Variants in DNAH17 observed in about 807,000 individuals in gnomAD.
The protein encoded by DNAH17 is axonemal beta dynein heavy chain 17.
Under a neutral mutation model 485.6 loss-of-function variants are expected in DNAH17, and 376 were observed. That is an observed-to-expected ratio of 0.77 (90% CI 0.71 to 0.84). DNAH17 has a LOEUF of 0.84. Among genes scored for constraint, DNAH17 ranks in the 40% least tolerant of loss-of-function variants. DNAH17 has a pLI of 0.00. For synonymous variants in DNAH17, 3,031 were observed against 2,405.9 expected (o/e 1.26, Z -7.60); for missense variants, 6,370 against 5,839.3 (o/e 1.09, Z -2.96).
chr17:78,479,382 G>A, intron 50 of DNAH17, 103 bp downstream of exon 50: 2 of 1,336,650 alleles, frequency 1.5e-6, no homozygotes, highest in East Asian at 5.2e-5. Context: ...TATTGATTTA[G>A]AATTATAAAT....
At chr17:78,555,175 G>GA (rs555629195) in intron 14 of DNAH17, among the ~76,000 whole-genome samples, 87 of 152,318 alleles carry the variant, frequency 5.7e-4, no homozygotes, top group African/African-American at 2.0e-3. Context: ...AAACCAGACA[G>GA]AAGTAAAGGA....
At position 78,486,416 on chromosome 17, in the gene DNAH17, C is replaced by T; in HGVS notation, c.6909G>A (p.Leu2303=). 1 of 1,613,842 alleles carries T rather than the reference C, an allele frequency of 6.2e-7. No homozygotes were observed. The highest frequency in any genetic ancestry group is 1.1e-5 in the South Asian group (1 of 91,084). Residue 2303 remains leucine, a synonymous_variant, in exon 45 of 81, where the codon CTG becomes CTA. Transcript: ENST00000389840. ...TCTTGAACCCAAAGCGCAACTTGTC[C>T]AGGCACGTGGGCAGGTACTTGTCAA... ...ILFDKYLPTC[L]DKLRFGFKKI...
intron 30 of DNAH17, among the ~76,000 whole-genome samples, chr17:78,506,115 C>G (rs1386780065): frequency 6.6e-6 from 1 of 150,510 alleles, no homozygotes; most frequent in Non-Finnish European, 1.5e-5. Context: ...AAATAAAATG[C>G]AAGCGCTTTC....
chr17:78,552,914 G>C (rs993438672), intron 14 of DNAH17, 109 bp from the exon 15 acceptor site: 2 of 763,532 alleles, frequency 2.6e-6, no homozygotes, highest in Middle Eastern at 3.3e-4. Context: ...TTGGATCTGT[G>C]TCCCCACTCA....
In DNAH17 at chr17:78,574,874, T is replaced by C. The variant is rs746416207; in HGVS notation, c.184A>G (p.Ile62Val). The C allele has an allele frequency of 5.6e-6, 9 of 1,614,000 alleles. No homozygotes were observed. In the South Asian group the frequency reaches 9.9e-5, roughly 18 times the overall value. Residue 62 changes from isoleucine (I) to valine (V), a missense_variant, in exon 2 of 81, where the codon ATC becomes GTC. By Grantham distance (29) the Ile-to-Val change is conservative. Coordinates refer to ENST00000389840, the MANE Select transcript of DNAH17 (RefSeq NM_173628.4). The stretch of plus-strand genomic sequence containing the variant: ...TGGGGGAAGCCCAGGCAGGGTATGA[T>C]CATGCCGGCTGCATTGAGCGTCAGC... Reference protein sequence around the residue: ...LVLTLNAAGMIIPCLGFPQSL... With the variant: ...LVLTLNAAGMVIPCLGFPQSL...
intron 18 of DNAH17, among the ~76,000 whole-genome samples, 151 bp from the exon 19 acceptor site, chr17:78,537,632 G>A (rs746106816): frequency 4.6e-5 from 7 of 152,126 alleles, no homozygotes; most frequent in Admixed American, 6.5e-5. Flanking sequence ...AGCGCACCCC[G>A]CTCCTTGAGC....
At chr17:78,465,055 C>A (rs369362694) in intron 56 of DNAH17, among the ~76,000 whole-genome samples, 1 of 152,250 alleles carries the variant, frequency 6.6e-6, no homozygotes, top group Non-Finnish European at 1.5e-5. Context: ...ATTCTCCTGA[C>A]TCAGCCTGCC....
rs1220563846 is a variant in DNAH17, at chr17:78,558,172, G to A, written c.2114C>T (p.Ser705Leu). 2 of 1,613,686 alleles carry A rather than the reference G, an allele frequency of 1.2e-6. No individual in the cohort carries two copies. The highest frequency in any genetic ancestry group is 2.7e-5 in the African/African-American group (2 of 74,908). The change falls in exon 14 of 81, where the codon TCA (serine) becomes TTA (leucine). Residue 705 changes from serine (S) to leucine (L), a missense_variant. Coordinates refer to ENST00000389840, the MANE Select transcript of DNAH17 (RefSeq NM_173628.4). ...EIPDSAESLF[S>L]ENETFRKFVG... ...AAACTTCCGGAAAGTTTCGTTCTCT[G>A]AGAACAGACTCTCCGCACTGTCTGG...
chr17:78,531,576 G>C, intron 20 of DNAH17, among the ~76,000 whole-genome samples: 1 of 151,992 alleles, frequency 6.6e-6, no homozygotes, highest in South Asian at 2.1e-4. Context: ...CTGACCTCAC[G>C]ATCCAACCGC....
rs780363774 is a variant in DNAH17, at chr17:78,429,223, C to T, written c.12303G>A (p.Arg4101=). 3 of 1,613,902 alleles carry T rather than the reference C, an allele frequency of 1.9e-6. No homozygotes were observed. The highest frequency in any genetic ancestry group is 1.7e-6 in the Non-Finnish European group (2 of 1,179,900). The part of the protein sequence containing the change: ...GGHITDDWDR[R]LCRTYLAEYI... Reference sequence around the variant, plus strand: ...ATTCAGCCAGGTAGGTCCTGCACAGCCGACGGTCCCAGTCATCTGTGATGT... The same window carrying T: ...ATTCAGCCAGGTAGGTCCTGCACAGTCGACGGTCCCAGTCATCTGTGATGT... Residue 4101 remains arginine (R), a synonymous_variant, in exon 76 of 81, where the codon CGG becomes CGA. Transcript: ENST00000389840.
intron 72 of DNAH17, among the ~76,000 whole-genome samples, chr17:78,440,244 CTTTTTTTTT>C (rs71160296): frequency 1.2e-4 from 5 of 40,310 alleles, no homozygotes; most frequent in African/African-American, 3.5e-4. Flanking sequence ...CGACTTCATG[CTTTTTTTTT>C]TTTTTTTTTT....
rs1010894534 is a variant in DNAH17, at chr17:78,450,226, G to A, written c.11040+28C>T. 8 of 1,612,182 alleles carry A rather than the reference G, an allele frequency of 5.0e-6. No individual in the cohort carries two copies. The Admixed American group carries it at 6.7e-5, about 13-fold the overall frequency. ...CCAGATGCAGCCCCACCTTGAGGGA[G>A]GCACCCAGCCCCAGCTGCAGGGCGC... On this transcript the variant is annotated intron_variant, in intron 68 of 80. Coordinates refer to ENST00000389840, the MANE Select transcript of DNAH17 (RefSeq NM_173628.4).
At chr17:78,509,123 C>T (rs1310529134) in intron 27 of DNAH17, among the ~76,000 whole-genome samples, 1 of 85,716 alleles carries the variant, frequency 1.2e-5, no homozygotes, top group African/African-American at 5.3e-5. Flanking sequence ...TGCGCCACCA[C>T]GCCTGGCTAA....
intron 58 of DNAH17, among the ~76,000 whole-genome samples, chr17:78,461,250 G>A (rs951736936): frequency 3.3e-5 from 5 of 152,330 alleles, no homozygotes; most frequent in African/African-American, 7.2e-5. Flanking sequence ...GCTGGAGCCC[G>A]AGAGCCTGCA....
intron 20 of DNAH17, 23 bp from the exon 21 acceptor site, chr17:78,530,535 G>C: frequency 6.3e-7 from 1 of 1,584,106 alleles, no homozygotes; most frequent in East Asian, 2.3e-5. Context: ...GCCACCGGCG[G>C]CCTGTCATAG....
intron 27 of DNAH17, among the ~76,000 whole-genome samples, chr17:78,509,452 T>C (rs1199869305): frequency 1.3e-5 from 2 of 152,204 alleles, no homozygotes; most frequent in African/African-American, 2.4e-5. Flanking sequence ...CTTGTAACTA[T>C]GCTAAAAGCC....
intron 74 of DNAH17, among the ~76,000 whole-genome samples, chr17:78,435,377 GC>G (rs2086823124): frequency 6.6e-6 from 1 of 152,120 alleles, no homozygotes; most frequent in Non-Finnish European, 1.5e-5. Flanking sequence ...CTTCCTGTGG[GC>G]CCTTGTTTTC....
At chr17:78,485,459 A>C in intron 47 of DNAH17, 91 bp downstream of exon 47, 1 of 1,258,820 alleles carries the variant, frequency 7.9e-7, no homozygotes, top group Non-Finnish European at 1.1e-6. Context: ...GTGGCTAGTG[A>C]GTGCCTGGGC....
intron 13 of DNAH17, among the ~76,000 whole-genome samples, chr17:78,558,733 T>A (rs2092086996): frequency 6.6e-6 from 1 of 152,336 alleles, no homozygotes; most frequent in South Asian, 2.1e-4. Context: ...CTTCGGGTCT[T>A]CACTTGTTTC....
Sources: gnomAD v4.1 joint callset for allele counts (sites outside exome capture counted in the v4.1 genomes callset) on GRCh38, gnomAD v4.1.1 for gene constraint, MANE v1.5 for transcripts, NCBI Gene and HGNC (gene_info 2026-07-23, HGNC 2026-07-21) for gene names.